The following PTPRD variants were observed in gnomAD, a reference collection of about 807,000 sequenced individuals.
The protein encoded by PTPRD is receptor-type tyrosine-protein phosphatase delta.
A neutral mutation model predicts 214.5 loss-of-function variants in PTPRD; 34 were observed. The ratio of observed to expected loss-of-function variants is 0.16; its 90% CI spans 0.12 to 0.21. The LOEUF is 0.21. Ranked by LOEUF, PTPRD falls within the 10% of genes least tolerant of loss-of-function variation. The pLI, the probability that PTPRD is intolerant of heterozygous loss-of-function variation, is 1.00. For missense variants in PTPRD, 2,545 were observed against 2,398.7 expected (o/e 1.06, Z -1.27); for synonymous variants, 1,128 against 845.7 (o/e 1.33, Z -5.79).
chr9:8,585,218 A>C (rs1282401249), intron 14 of PTPRD, among the ~76,000 whole-genome samples: 3 of 152,186 alleles, frequency 2.0e-5, no homozygotes, highest in African/African-American at 7.2e-5. Flanking sequence ...AATTTTTTTT[A>C]ACTGCAGAGT....
chr9:9,657,994 T>C (rs1043450589), intron 7 of PTPRD, among the ~76,000 whole-genome samples: 4 of 152,216 alleles, frequency 2.6e-5, no homozygotes, highest in African/African-American at 9.6e-5. Flanking sequence ...TTGAGTTTTA[T>C]GTTTAGTTTC....
At chr9:9,250,263 T>C (rs2099974922) in intron 9 of PTPRD, among the ~76,000 whole-genome samples, 1 of 152,082 alleles carries the variant, frequency 6.6e-6, no homozygotes, top group South Asian at 2.1e-4. Context: ...TTTTCACCTA[T>C]GATGTACCAG....
chr9:9,733,646 G>T (rs1017884962), intron 7 of PTPRD, among the ~76,000 whole-genome samples: 1 of 152,096 alleles, frequency 6.6e-6, no homozygotes, highest in Non-Finnish European at 1.5e-5. Flanking sequence ...ACTAAATAAT[G>T]GAGTACAAGA....
chr9:9,037,613 T>G (rs770905141), intron 10 of PTPRD, among the ~76,000 whole-genome samples: 1 of 152,148 alleles, frequency 6.6e-6, no homozygotes, highest in Non-Finnish European at 1.5e-5. Flanking sequence ...TTTTATTCCA[T>G]AACTAAGGGC....
chr9:9,396,770 A>C (rs2067997364), intron 9 of PTPRD, among the ~76,000 whole-genome samples: 1 of 151,994 alleles, frequency 6.6e-6, no homozygotes, highest in South Asian at 2.1e-4. Flanking sequence ...GTAAACTCTC[A>C]AGAAGTAAAA....
intron 2 of PTPRD, among the ~76,000 whole-genome samples, chr9:10,575,307 A>G (rs1033316338): frequency 2.6e-5 from 4 of 152,100 alleles, no homozygotes; most frequent in Non-Finnish European, 4.4e-5. Context: ...TGGGAAAAAT[A>G]CTAATATTTA....
rs116364936 is a variant in PTPRD at position 8,500,505 on chromosome 9, G to A, written c.2128+249C>T. ...CGGGCTGGACTGCAAGACCATAGGA[G>A]CCAACAGTTCTTTTAAAGAGAAGCA... On this transcript the variant is annotated intron_variant, in intron 24 of 45. Transcript: ENST00000381196. Among the ~76,000 whole-genome samples the A allele has an allele frequency of 1.6e-3, 199 of 124,062 alleles. 1 individual carries two copies. The highest frequency in any genetic ancestry group is 5.6e-3 in the African/African-American group (185 of 32,984). 81.4% of individuals were successfully genotyped at this position (124,062 alleles called of 152,430 possible).
intron 8 of PTPRD, among the ~76,000 whole-genome samples, chr9:9,473,397 A>G (rs537378819): frequency 1.3e-5 from 2 of 152,248 alleles, no homozygotes; most frequent in East Asian, 1.9e-4. Context: ...GGTTGATTCC[A>G]TATCTTGTCT....
At chr9:8,408,765 C>T (rs1475323674) in intron 35 of PTPRD, among the ~76,000 whole-genome samples, 1 of 152,040 alleles carries the variant, frequency 6.6e-6, no homozygotes, top group African/African-American at 2.4e-5. Flanking sequence ...GCACTTGACT[C>T]CTCCTCCCCA....
At chr9:9,387,895 C>T (rs1295690257) in intron 9 of PTPRD, among the ~76,000 whole-genome samples, 1 of 152,094 alleles carries the variant, frequency 6.6e-6, no homozygotes, top group East Asian at 1.9e-4. Flanking sequence ...ACAGCTGAAG[C>T]CCCAGTGGGC....
rs78090305 is a variant in PTPRD at position 8,821,594 on chromosome 9, G to A, written c.-103-87648C>T. ...TCACCTCTTCTTTCCTCCACTTTGT[G>A]AGAAACAACTAACTGGCCTGGCTCT... On this transcript the variant is annotated intron_variant, in intron 11 of 45. Coordinates refer to ENST00000381196, the MANE Select transcript of PTPRD (RefSeq NM_002839.4). Among the ~76,000 whole-genome samples the A allele has an allele frequency of 8.3e-3, 1,270 of 152,268 alleles. 21 individuals carry two copies. Among genetic ancestry groups the A allele is most frequent in the African/African-American group, 0.029 (1,220 of 41,558 alleles).
chr9:8,685,483 T>C (rs1177219154), intron 12 of PTPRD, among the ~76,000 whole-genome samples: 1 of 152,170 alleles, frequency 6.6e-6, no homozygotes, highest in Non-Finnish European at 1.5e-5. Context: ...AAACGCTGCA[T>C]GTAAAACAGA....
intron 7 of PTPRD, among the ~76,000 whole-genome samples, chr9:9,684,693 T>TTGTGTGTGTGTGTGTGTG (rs138242584): frequency 8.7e-5 from 13 of 149,148 alleles, no homozygotes; most frequent in African/African-American, 3.2e-4. Context: ...AATACAGCAT[T>TTGTGTGTGTGTGTGTGTG]TGTGTGTGTG....
At chr9:8,522,228 G>T (rs1209103977) in intron 19 of PTPRD, among the ~76,000 whole-genome samples, 1 of 152,216 alleles carries the variant, frequency 6.6e-6, no homozygotes, top group African/African-American at 2.4e-5. Context: ...GCATGCACAA[G>T]ATGGAATCTC....
intron 11 of PTPRD, among the ~76,000 whole-genome samples, chr9:8,807,679 T>G (rs1242025481): frequency 1.3e-5 from 2 of 152,094 alleles, no homozygotes; most frequent in African/African-American, 4.8e-5. Context: ...CATCACCCTT[T>G]TAGATATAAG....
intron 3 of PTPRD, among the ~76,000 whole-genome samples, chr9:10,212,069 G>A (rs1254475321): frequency 1.3e-5 from 2 of 152,078 alleles, no homozygotes; most frequent in Non-Finnish European, 2.9e-5. Flanking sequence ...AGTAACCAGT[G>A]GAATGACCTT....
chr9:9,909,330 T>C (rs941785897), intron 5 of PTPRD, among the ~76,000 whole-genome samples: 2 of 151,656 alleles, frequency 1.3e-5, no homozygotes, highest in East Asian at 3.9e-4. Flanking sequence ...TTTTTTTTTT[T>C]TTTACGGCTT....
chr9:9,487,336 T>C (rs1267727040), intron 8 of PTPRD, among the ~76,000 whole-genome samples: 1 of 152,094 alleles, frequency 6.6e-6, no homozygotes, highest in African/African-American at 2.4e-5. Context: ...TTGCGATAGT[T>C]TGCTGAGAAT....
chr9:9,989,050 A>G (rs1197645065), intron 4 of PTPRD, among the ~76,000 whole-genome samples: 1 of 147,052 alleles, frequency 6.8e-6, no homozygotes, highest in African/African-American at 2.5e-5. Context: ...AAAAAACCAC[A>G]GACTTTACAC....
Sources: allele counts gnomAD v4.1 joint callset (sites outside exome capture counted in the v4.1 genomes callset), GRCh38; gene constraint gnomAD v4.1.1; transcripts MANE v1.5; gene names NCBI Gene and HGNC (gene_info 2026-07-23, HGNC 2026-07-21).